RBMS3: variants seen among roughly 807,000 people sequenced by gnomAD.
RBMS3 encodes the protein RNA-binding motif, single-stranded-interacting protein 3.
A neutral mutation model predicts 66.8 loss-of-function variants in RBMS3; 27 were observed. That is an observed-to-expected ratio of 0.40 (90% CI 0.30 to 0.56). The LOEUF (loss-of-function observed/expected upper bound fraction) is 0.56. RBMS3 is among the 20% of genes least tolerant of loss of function. The probability of loss-of-function intolerance (pLI) is 0.40; values close to 1 mark genes in which losing one functional copy is unlikely to be tolerated. For synonymous variants in RBMS3, 188 were observed against 183.0 expected (o/e 1.03, Z -0.22); for missense variants, 513 against 549.5 (o/e 0.93, Z 0.66).
intron 2 of RBMS3, among the ~76,000 whole-genome samples, chr3:29,438,962 A>G (rs9873783): frequency 0.47 from 71,269 of 152,010 alleles, 17,158 homozygotes; most frequent in African/African-American, 0.57. Context: ...GGCGATTAGC[A>G]AAGGTATCTC....
At chr3:29,921,208 G>T (rs377656624) in intron 10 of RBMS3, among the ~76,000 whole-genome samples, 1 of 151,434 alleles carries the variant, frequency 6.6e-6, no homozygotes, top group Non-Finnish European at 1.5e-5. Flanking sequence ...GATTACAGGC[G>T]CCCGCCACCA....
chr3:29,363,379 CAG>C (rs2037715004), intron 1 of RBMS3, among the ~76,000 whole-genome samples: 1 of 152,140 alleles, frequency 6.6e-6, no homozygotes, highest in African/African-American at 2.4e-5. Flanking sequence ...ATGATACCTA[CAG>C]AGACTCTCTA....
chr3:29,663,892 G>C (rs547438577), intron 4 of RBMS3, among the ~76,000 whole-genome samples: 41 of 152,232 alleles, frequency 2.7e-4, no homozygotes, highest in African/African-American at 9.9e-4. Context: ...GGAGGAGCAG[G>C]AACTCAATAG....
chr3:29,881,254 C>T (rs1369758490), intron 7 of RBMS3, among the ~76,000 whole-genome samples: 1 of 152,092 alleles, frequency 6.6e-6, no homozygotes, highest in African/African-American at 2.4e-5. Flanking sequence ...TCCCTACATG[C>T]CTTATCTGAT....
chr3:29,893,645 G>A (rs1438643874), intron 8 of RBMS3, among the ~76,000 whole-genome samples: 2 of 151,468 alleles, frequency 1.3e-5, no homozygotes, highest in African/African-American at 2.4e-5. Context: ...ATAAGACCTA[G>A]AAGGAATTTT....
intron 3 of RBMS3, among the ~76,000 whole-genome samples, chr3:29,533,735 C>T (rs954770766): frequency 6.6e-6 from 1 of 152,150 alleles, no homozygotes; most frequent in African/African-American, 2.4e-5. Context: ...CAAGACTGCA[C>T]CACTGCACTC....
At chr3:29,955,309 C>A (rs900319154) in intron 12 of RBMS3, among the ~76,000 whole-genome samples, 3 of 151,980 alleles carry the variant, frequency 2.0e-5, no homozygotes, top group African/African-American at 7.2e-5. Context: ...TCATCCAATG[C>A]CGATTTCAGC....
chr3:29,810,062 T>C (rs1479096138), intron 6 of RBMS3, among the ~76,000 whole-genome samples: 1 of 152,130 alleles, frequency 6.6e-6, no homozygotes, highest in Non-Finnish European at 1.5e-5. Context: ...AAATAGGTCA[T>C]TATGGTTAGA....
At chr3:29,513,460 T>C (rs2044495851) in intron 3 of RBMS3, among the ~76,000 whole-genome samples, 1 of 152,162 alleles carries the variant, frequency 6.6e-6, no homozygotes, top group African/African-American at 2.4e-5. Context: ...ACCCAGACTT[T>C]ATGGGAACTG....
At chr3:29,736,853 C>T (rs758176143) in intron 4 of RBMS3, among the ~76,000 whole-genome samples, 1 of 152,156 alleles carries the variant, frequency 6.6e-6, no homozygotes, top group Non-Finnish European at 1.5e-5. Flanking sequence ...GAGAGTGAAG[C>T]GGGAGCACCA....
chr3:29,360,256 T>G (rs1218550125), intron 1 of RBMS3, among the ~76,000 whole-genome samples: 2 of 152,092 alleles, frequency 1.3e-5, no homozygotes, highest in Admixed American at 6.5e-5. Flanking sequence ...GTCTTTGTTC[T>G]CGTTGGTTTC....
intron 3 of RBMS3, among the ~76,000 whole-genome samples, chr3:29,497,243 T>C (rs2043788638): frequency 6.6e-6 from 1 of 152,070 alleles, no homozygotes; most frequent in South Asian, 2.1e-4. Flanking sequence ...TGTCCTGACA[T>C]CATGATCCGC....
chr3:29,337,502 G>T (rs1553635323), intron 1 of RBMS3, among the ~76,000 whole-genome samples: 1 of 151,994 alleles, frequency 6.6e-6, no homozygotes. Flanking sequence ...AGCTGGTCAT[G>T]GTGGCATGAG....
At chr3:29,725,445 A>T (rs890716067) in intron 4 of RBMS3, among the ~76,000 whole-genome samples, 10 of 152,122 alleles carry the variant, frequency 6.6e-5, no homozygotes, top group Non-Finnish European at 1.3e-4. Context: ...TTTTGAAAAG[A>T]TTAACAAAAT....
intron 2 of RBMS3, among the ~76,000 whole-genome samples, chr3:29,441,732 C>T (rs184578618): frequency 6.6e-6 from 1 of 152,218 alleles, no homozygotes; most frequent in East Asian, 1.9e-4. Context: ...ATGGGTCAAC[C>T]TGGATTTTGG....
chr3:29,666,147 T>C (rs2050746480), intron 4 of RBMS3, among the ~76,000 whole-genome samples: 1 of 152,228 alleles, frequency 6.6e-6, no homozygotes, highest in Admixed American at 6.5e-5. Context: ...CCTTTATCTC[T>C]TTCAAGCATT....
chr3:29,944,615 G>A (rs1019192662), intron 12 of RBMS3, among the ~76,000 whole-genome samples: 16 of 151,482 alleles, frequency 1.1e-4, no homozygotes, highest in African/African-American at 3.1e-4. Flanking sequence ...AGCAAAAGAC[G>A]GCACAGATTA....
intron 4 of RBMS3, among the ~76,000 whole-genome samples, chr3:29,620,505 A>AG (rs2048829304): frequency 1.3e-5 from 2 of 152,248 alleles, no homozygotes; most frequent in East Asian, 3.9e-4. Context: ...TAAAACTCTT[A>AG]TGACATGGGT....
At chr3:29,821,198 A>C (rs1462603883) in intron 6 of RBMS3, among the ~76,000 whole-genome samples, 1 of 152,148 alleles carries the variant, frequency 6.6e-6, no homozygotes, top group African/African-American at 2.4e-5. Flanking sequence ...TCCAGATACA[A>C]TTTGATTTTT....
Sources: allele counts gnomAD v4.1 joint callset (sites outside exome capture counted in the v4.1 genomes callset), GRCh38; gene constraint gnomAD v4.1.1; transcripts MANE v1.5; gene names NCBI Gene and HGNC (gene_info 2026-07-23, HGNC 2026-07-21).